Variants in UBE3C observed in about 807,000 individuals in gnomAD.
UBE3C encodes the protein ubiquitin protein ligase E3C.
Under a neutral mutation model 129.4 loss-of-function variants are expected in UBE3C, and 42 were observed. The ratio of observed to expected loss-of-function variants is 0.32; its 90% CI spans 0.25 to 0.42. The LOEUF is 0.42. Ranked by LOEUF, UBE3C falls within the 10% of genes least tolerant of loss-of-function variation. The probability of loss-of-function intolerance (pLI) is 1.00; values close to 1 mark genes in which losing one functional copy is unlikely to be tolerated. For synonymous variants in UBE3C, 510 were observed against 492.4 expected (o/e 1.04, Z -0.47); for missense variants, 1,049 against 1,319.1 (o/e 0.80, Z 3.17).
At position 157,206,573 on chromosome 7, in the gene UBE3C, C is replaced by CT. The variant is rs200947822; in HGVS notation, c.1419-814dup. ...CACCATACCCAGCCTTTTTTCTTTTCTTTTTTTTTTTCCTTAATATTTTAA... is the reference window on the plus strand; with the variant it reads ...CACCATACCCAGCCTTTTTTCTTTTCTTTTTTTTTTTTCCTTAATATTTTAA... On this transcript the variant is annotated intron_variant, in intron 11 of 22. Transcript: ENST00000348165. 4.1e-3 allele frequency among the ~76,000 whole-genome samples: 604 copies of CT among 146,208 alleles called. 16 individuals are homozygous for CT. In the South Asian group the frequency reaches 0.048, roughly 12 times the overall value.
intron 6 of UBE3C, 115 bp downstream of exon 6, chr7:157,178,962 G>A: frequency 1.5e-6 from 2 of 1,315,982 alleles, no homozygotes; most frequent in African/African-American, 2.9e-5. Flanking sequence ...CGGTACTGGT[G>A]TCCCAGACGC....
chr7:157,231,069 T>G lies in UBE3C; in HGVS notation c.2234-11T>G, dbSNP rs760230467. On this transcript the variant is annotated splice_polypyrimidine_tract_variant and intron_variant, in intron 17 of 22. Coordinates refer to ENST00000348165, the MANE Select transcript of UBE3C (RefSeq NM_014671.3). ...ATCTTTCCTCCTCACCCTCCCATTT[T>G]TTTTTAACAGAGCCTGATTTGAAAA... The G allele has an allele frequency of 4.3e-6, 7 of 1,611,898 alleles. No individual in the cohort carries two copies. The South Asian group carries it at 7.7e-5, about 18-fold the overall frequency.
chr7:157,192,527 T>C lies in UBE3C; in HGVS notation c.1331+5506T>C, dbSNP rs1808997517. 3.9e-6 allele frequency: 3 copies of C among 762,972 alleles called. No individual in the cohort carries two copies. In the Admixed American group the frequency reaches 5.1e-5, roughly 13 times the overall value. The allele number at this position is 762,972 out of a possible 1,614,324, so 47.3% of individuals were successfully genotyped here. A position where few individuals can be genotyped will look rare whatever the true frequency, so the allele number is the denominator to read the frequency against. On this transcript the variant is annotated intron_variant, in intron 10 of 22. Coordinates refer to ENST00000348165, the MANE Select transcript of UBE3C (RefSeq NM_014671.3). ...TGCTGGCAAGCAACTGGAAGATGGA[T>C]GTACTGTCTGACTACAACATTCAAA...
chr7:157,231,360 G>T, intron 18 of UBE3C, 33 bp downstream of exon 18: 1 of 1,603,212 alleles, frequency 6.2e-7, no homozygotes, highest in South Asian at 1.1e-5. Flanking sequence ...ATAGACCTCG[G>T]ACCAAAAGAT....
intron 22 of UBE3C, among the ~76,000 whole-genome samples, chr7:157,261,306 G>GGAAAAAAAAAAAAAAAAAAAAAAA (rs1563079209): frequency 1.3e-5 from 1 of 78,022 alleles, no homozygotes. Context: ...AACTCTGTCT[G>GGAAAAAAAAAAAAAAAAAAAAAAA]AAAAAAAAAA....
At chr7:157,187,393 C>T (rs7778193) in intron 10 of UBE3C, among the ~76,000 whole-genome samples, 68,421 of 142,230 alleles carry the variant, frequency 0.48, 18,419 homozygotes, top group African/African-American at 0.76. Flanking sequence ...TTTTTTTTTT[C>T]TTCTTCTTCT....
chr7:157,171,687 T>TATATATATA (rs1491094674), intron 4 of UBE3C, among the ~76,000 whole-genome samples: 2 of 6,172 alleles, frequency 3.2e-4, no homozygotes, highest in Non-Finnish European at 5.1e-4. Flanking sequence ...TATATATATA[T>TATATATATA]TTTTTTTTTT....
intron 18 of UBE3C, 92 bp from the exon 19 acceptor site, chr7:157,248,276 G>A (rs1181028355): frequency 8.7e-7 from 1 of 1,147,624 alleles, no homozygotes; most frequent in African/African-American, 1.6e-5. Flanking sequence ...GCTCTCTTAG[G>A]ATTGGGTTTA....
chr7:157,263,484 C>T (rs918025076), intron 22 of UBE3C, among the ~76,000 whole-genome samples: 5 of 151,984 alleles, frequency 3.3e-5, no homozygotes, highest in African/African-American at 7.3e-5. Flanking sequence ...GCCAACATGG[C>T]GAAACCCCAT....
chr7:157,209,846 A>G (rs1402452454), intron 13 of UBE3C, among the ~76,000 whole-genome samples: 1 of 152,272 alleles, frequency 6.6e-6, no homozygotes, highest in Non-Finnish European at 1.5e-5. Flanking sequence ...TTATGCCTCA[A>G]AATGACTCCC....
Position 157,163,841 on chromosome 7 carries a change from A to T in UBE3C, c.98A>T (p.Gln33Leu), listed in dbSNP as rs1158112213. 1.9e-6 allele frequency: 3 copies of T among 1,613,464 alleles called. No individual in the cohort carries two copies. The African/African-American group carries it at 4.0e-5, about 22-fold the overall frequency. The change falls in exon 2 of 23, where the codon CAG becomes CTG. Residue 33 changes from glutamine (Q) to leucine (L), a missense_variant. Physicochemically the swap from Gln to Leu is moderately radical, Grantham distance 113 (BLOSUM62 -2). Around this residue, in one of 4 missense-constraint regions of UBE3C, gnomAD observed 489 missense variants for 513.8 expected, o/e 0.95. Coordinates refer to ENST00000348165, the MANE Select transcript of UBE3C (RefSeq NM_014671.3). ...EEKASLLHRT[Q>L]EERRKREEER... ...AAGGCTTCTCTTTTACATCGTACTC[A>T]GGAAGAAAGAAGAAAGAGAGAGGTA...
intron 10 of UBE3C, chr7:157,198,276 G>A (rs1294278277): frequency 9.9e-7 from 1 of 1,007,248 alleles, no homozygotes; most frequent in Non-Finnish European, 1.6e-6. Flanking sequence ...GGTGTCCGTG[G>A]GCTCTTGAAG....
chr7:157,155,826 A>C (rs1363545638), intron 1 of UBE3C, among the ~76,000 whole-genome samples: 1 of 152,230 alleles, frequency 6.6e-6, no homozygotes, highest in Non-Finnish European at 1.5e-5. Flanking sequence ...GGCTGTGCTC[A>C]CTGTGGATTT....
intron 9 of UBE3C, among the ~76,000 whole-genome samples, chr7:157,184,258 T>G (rs1038782808): frequency 6.6e-6 from 1 of 152,198 alleles, no homozygotes; most frequent in African/African-American, 2.4e-5. Context: ...GCTTTGTGTT[T>G]GGTTTTTTAG....
chr7:157,248,299 G>C, intron 18 of UBE3C, 69 bp from the exon 19 acceptor site: 1 of 1,384,524 alleles, frequency 7.2e-7, no homozygotes. Context: ...ATCAAGTTGA[G>C]CATATGGCTC....
intron 2 of UBE3C, among the ~76,000 whole-genome samples, chr7:157,164,948 T>C (rs1808173085): frequency 2.0e-5 from 3 of 152,162 alleles, no homozygotes; most frequent in Admixed American, 2.0e-4. Flanking sequence ...TTTTCCAACC[T>C]TGGTGCTGAC....
intron 4 of UBE3C, among the ~76,000 whole-genome samples, chr7:157,174,713 A>G (rs972883846): frequency 4.6e-5 from 7 of 152,088 alleles, no homozygotes; most frequent in African/African-American, 1.7e-4. Context: ...CAGCCTCCCA[A>G]AGTTACAGAC....
intron 1 of UBE3C, among the ~76,000 whole-genome samples, chr7:157,139,814 C>A (rs1453506824): frequency 6.6e-6 from 1 of 152,210 alleles, no homozygotes; most frequent in Non-Finnish European, 1.5e-5. Flanking sequence ...TTTTCGAATG[C>A]CACCTGAAGG....
chr7:157,151,242 G>A (rs1327433449), intron 1 of UBE3C, among the ~76,000 whole-genome samples: 1 of 152,222 alleles, frequency 6.6e-6, no homozygotes, highest in East Asian at 1.9e-4. Context: ...AAACAAATAC[G>A]CTGTGTTTTC....
Sources: allele counts gnomAD v4.1 joint callset (sites outside exome capture counted in the v4.1 genomes callset), GRCh38; gene constraint gnomAD v4.1.1; regional missense constraint gnomAD v4.1.1; transcripts MANE v1.5; gene names NCBI Gene and HGNC (gene_info 2026-07-23, HGNC 2026-07-21).